The following BLMH variants were observed in gnomAD, a reference collection of about 807,000 sequenced individuals.
BLMH encodes the protein BLM hydrolase.
BLMH carries 32 observed loss-of-function variants against 61.6 expected under a neutral mutation model. The ratio of observed to expected loss-of-function variants is 0.52; its 90% CI spans 0.39 to 0.70. BLMH has a LOEUF of 0.70. Ranked by LOEUF, BLMH falls within the 30% of genes least tolerant of loss-of-function variation. The pLI, the probability that BLMH is intolerant of heterozygous loss-of-function variation, is 0.00. For missense variants in BLMH, 460 were observed against 555.5 expected (o/e 0.83, Z 1.73); for synonymous variants, 183 against 193.8 (o/e 0.94, Z 0.46).
chr17:30,265,888 A>T (rs1304762532), intron 11 of BLMH, among the ~76,000 whole-genome samples: 1 of 152,214 alleles, frequency 6.6e-6, no homozygotes, highest in Non-Finnish European at 1.5e-5. Flanking sequence ...AGTCTTTAAA[A>T]ATGTGGTCTC....
At chr17:30,273,946 T>C in intron 7 of BLMH, 96 bp downstream of exon 7, 1 of 1,432,724 alleles carries the variant, frequency 7.0e-7, no homozygotes, top group Non-Finnish European at 9.7e-7. Context: ...TCTAGTTTGA[T>C]ACTCATACAT....
At chr17:30,281,145 C>T (rs1908576613) in intron 6 of BLMH, among the ~76,000 whole-genome samples, 2 of 147,716 alleles carry the variant, frequency 1.4e-5, no homozygotes, top group South Asian at 4.3e-4. Context: ...AAAGCAGATG[C>T]CTTCTGGAGG....
intron 10 of BLMH, among the ~76,000 whole-genome samples, chr17:30,268,329 G>C (rs964534105): frequency 1.3e-5 from 2 of 151,986 alleles, no homozygotes; most frequent in Non-Finnish European, 2.9e-5. Flanking sequence ...TTAATACCTG[G>C]AACTCCCTTA....
chr17:30,269,393 C>A (rs970324687), intron 10 of BLMH, among the ~76,000 whole-genome samples: 1 of 151,862 alleles, frequency 6.6e-6, no homozygotes, highest in Non-Finnish European at 1.5e-5. Flanking sequence ...GTCGGTCAGG[C>A]TAGTCCTGAA....
chr17:30,253,865 A>C (rs1483234216), intron 11 of BLMH, among the ~76,000 whole-genome samples: 1 of 152,182 alleles, frequency 6.6e-6, no homozygotes, highest in African/African-American at 2.4e-5. Flanking sequence ...AAAACACCTC[A>C]AACCAACCAA....
rs1190632645 is a variant in BLMH at position 30,291,380 on chromosome 17, G to A, written c.142C>T (p.Arg48Cys). Reference protein sequence around the residue: ...DICLKRATVQRAQHVFQHAVP... With the variant: ...DICLKRATVQCAQHVFQHAVP... The stretch of plus-strand genomic sequence containing the variant: ...GCGTGCTGGAACACATGCTGCGCGC[G>A]CTGCACCGTGGCCCGCTTCAGACAG... Residue 48 changes from arginine to cysteine, a missense_variant, in exon 2 of 12, where the codon CGC becomes TGC. Arg to Cys is a radical substitution (Grantham distance 180). Transcript: ENST00000261714. 1.2e-6 allele frequency: 2 copies of A among 1,613,784 alleles called. No individual in the cohort carries two copies. The highest frequency in any genetic ancestry group is 2.7e-5 in the African/African-American group (2 of 74,928).
At chr17:30,279,294 G>A (rs1316745528) in intron 6 of BLMH, among the ~76,000 whole-genome samples, 1 of 152,214 alleles carries the variant, frequency 6.6e-6, no homozygotes, top group Admixed American at 6.6e-5. Context: ...CCAAAATTGA[G>A]CTAAATTTTT....
At chr17:30,263,709 G>C (rs560725653) in intron 11 of BLMH, among the ~76,000 whole-genome samples, 1 of 152,354 alleles carries the variant, frequency 6.6e-6, no homozygotes, top group African/African-American at 2.4e-5. Context: ...TTCTGGGCAG[G>C]AGAGCCATGA....
chr17:30,274,338 T>C (rs2143022581), intron 6 of BLMH, 141 bp from the exon 7 acceptor site: 2 of 962,620 alleles, frequency 2.1e-6, no homozygotes, highest in East Asian at 5.3e-5. Flanking sequence ...AATCTAATAC[T>C]GCGTCAAAAA....
At chr17:30,263,710 AG>A (rs1163811315) in intron 11 of BLMH, among the ~76,000 whole-genome samples, 1 of 152,258 alleles carries the variant, frequency 6.6e-6, no homozygotes, top group East Asian at 1.9e-4. Context: ...TCTGGGCAGG[AG>A]AGCCATGAAC....
chr17:30,283,488 G>A (rs1908645391), intron 6 of BLMH, among the ~76,000 whole-genome samples: 1 of 149,710 alleles, frequency 6.7e-6, no homozygotes, highest in Non-Finnish European at 1.5e-5. Context: ...ACAACTGTTT[G>A]CAGAACCTTC....
intron 4 of BLMH, 149 bp from the exon 5 acceptor site, chr17:30,287,051 T>C: frequency 3.3e-6 from 2 of 613,078 alleles, no homozygotes; most frequent in Non-Finnish European, 5.6e-6. Flanking sequence ...TTTTTGTTTT[T>C]TGTTTTTTGT....
At chr17:30,258,985 CT>C (rs1385298642) in intron 11 of BLMH, among the ~76,000 whole-genome samples, 2 of 152,134 alleles carry the variant, frequency 1.3e-5, no homozygotes, top group Non-Finnish European at 2.9e-5. Flanking sequence ...CTCCCTCTCC[CT>C]TTTCAGAAAA....
chr17:30,265,640 T>C (rs1908081593), intron 11 of BLMH, among the ~76,000 whole-genome samples: 1 of 152,238 alleles, frequency 6.6e-6, no homozygotes, highest in South Asian at 2.1e-4. Context: ...CTGGCTTCCC[T>C]ACCTGGTTCT....
intron 1 of BLMH, 106 bp from the exon 2 acceptor site, chr17:30,291,614 G>A: frequency 6.9e-7 from 1 of 1,457,012 alleles, no homozygotes; most frequent in Non-Finnish European, 9.3e-7. Flanking sequence ...TGGGGTGCCC[G>A]CTGCAGCGGG....
Position 30,291,518 on chromosome 17 carries a change from G to C in BLMH, c.14-10C>G, listed in dbSNP as rs202205223. On this transcript the variant is annotated splice_polypyrimidine_tract_variant and intron_variant, in intron 1 of 11. Coordinates refer to ENST00000261714, the MANE Select transcript of BLMH (RefSeq NM_000386.4). ...TTCTCCGAATTCAGTCCTGTTGGGA[G>C]ACCAAACAGGATTTTAACGCAAAAA... is the stretch of plus-strand genomic sequence containing the variant. 5.6e-6 allele frequency: 9 copies of C among 1,612,500 alleles called. No individual in the cohort carries two copies. Among genetic ancestry groups the C allele is most frequent in the Admixed American group, 1.7e-5 (1 of 59,994 alleles).
At chr17:30,256,352 A>G (rs1373286287) in intron 11 of BLMH, among the ~76,000 whole-genome samples, 2 of 152,130 alleles carry the variant, frequency 1.3e-5, no homozygotes, top group Non-Finnish European at 2.9e-5. Context: ...GTTTGGAGGC[A>G]GAGTCTTGCT....
Position 30,256,730 on chromosome 17 carries a change from A to C in BLMH, c.1217-7562T>G, listed in dbSNP as rs546928562. Among the ~76,000 whole-genome samples, 383 of 152,190 alleles carry C rather than the reference A, an allele frequency of 2.5e-3. 1 individual carries two copies. The highest frequency in any genetic ancestry group is 8.9e-3 in the African/African-American group (368 of 41,544). ...TTTTTCTGCTATTATAATGAAAAAAAAAAACAAAAAAAAAAGAAGGATAAG... is the reference window on the plus strand; with the variant it reads ...TTTTTCTGCTATTATAATGAAAAAACAAAACAAAAAAAAAAGAAGGATAAG... On this transcript the variant is annotated intron_variant, in intron 11 of 11. Coordinates refer to ENST00000261714, the MANE Select transcript of BLMH (RefSeq NM_000386.4).
intron 5 of BLMH, 127 bp from the exon 6 acceptor site, chr17:30,285,607 G>A (rs535617211): frequency 1.7e-6 from 1 of 588,220 alleles, no homozygotes; most frequent in Non-Finnish European, 2.7e-6. Flanking sequence ...GTTCATAAAG[G>A]CAAATGTGTT....
Sources: gnomAD v4.1 joint callset for allele counts (sites outside exome capture counted in the v4.1 genomes callset) on GRCh38, gnomAD v4.1.1 for gene constraint, MANE v1.5 for transcripts, NCBI Gene and HGNC (gene_info 2026-07-23, HGNC 2026-07-21) for gene names.